PRKRIP1: variants seen among roughly 807,000 people sequenced by gnomAD.
PRKRIP1 encodes the protein PRKR interacting protein 1.
In PRKRIP1, 29 loss-of-function variants were observed where a neutral mutation model predicts 29.3. The observed-to-expected ratio is 0.99, with a 90% CI of 0.74 to 1.35. The LOEUF is 1.35. Among genes scored for constraint, PRKRIP1 ranks in the 40% most tolerant of loss-of-function variants. The pLI, the probability that PRKRIP1 is intolerant of heterozygous loss-of-function variation, is 0.00. For missense variants in PRKRIP1, 247 were observed against 236.8 expected (o/e 1.04, Z -0.28); for synonymous variants, 90 against 85.1 (o/e 1.06, Z -0.32).
intron 5 of PRKRIP1, chr7:102,423,111 C>T (rs1227735440): frequency 2.3e-6 from 1 of 443,400 alleles, no homozygotes; most frequent in African/African-American, 2.1e-5. Context: ...AAAGATCAGA[C>T]CCTATGCTCT....
chr7:102,415,680 G>A (rs1420132880), intron 5 of PRKRIP1, among the ~76,000 whole-genome samples: 1 of 152,254 alleles, frequency 6.6e-6, no homozygotes. Context: ...CAGCAGCCCT[G>A]TGAGGTTAGT....
At chr7:102,409,328 G>A (rs1458210121) in intron 5 of PRKRIP1, among the ~76,000 whole-genome samples, 4 of 152,120 alleles carry the variant, frequency 2.6e-5, no homozygotes, top group African/African-American at 7.2e-5. Context: ...GTGACTGATA[G>A]GACCTCATCT....
At chr7:102,415,492 T>C (rs1490311474) in intron 5 of PRKRIP1, among the ~76,000 whole-genome samples, 2 of 152,230 alleles carry the variant, frequency 1.3e-5, no homozygotes, top group Admixed American at 1.3e-4. Flanking sequence ...CGCGTTGGCC[T>C]CCCAAAGCGC....
At chr7:102,406,357 A>G (rs567782853) in intron 4 of PRKRIP1, among the ~76,000 whole-genome samples, 1 of 152,304 alleles carries the variant, frequency 6.6e-6, no homozygotes, top group East Asian at 1.9e-4. Flanking sequence ...CGCAGGTGTC[A>G]TGTAAAATCC....
intron 3 of PRKRIP1, among the ~76,000 whole-genome samples, chr7:102,401,794 T>C (rs1796080568): frequency 6.6e-6 from 1 of 152,140 alleles, no homozygotes; most frequent in Non-Finnish European, 1.5e-5. Context: ...TCCCAGCTAC[T>C]TGGGAGGCTG....
rs184389679 is a variant in PRKRIP1 at position 102,413,674 on chromosome 7, C to T, written c.457+6176C>T. Among the ~76,000 whole-genome samples the T allele has an allele frequency of 1.2e-3, 185 of 152,168 alleles. 1 individual carries two copies. Among genetic ancestry groups the T allele is most frequent in the African/African-American group, 4.1e-3 (169 of 41,470 alleles). ...CACTTTAATATAATTTCTTTGATTT[C>T]AGTTTTTTAATATATAAGCCTTATT... On this transcript the variant is annotated intron_variant, in intron 5 of 5. Coordinates refer to ENST00000397912, the MANE Select transcript of PRKRIP1 (RefSeq NM_024653.4).
At chr7:102,406,315 C>T (rs531002696) in intron 4 of PRKRIP1, among the ~76,000 whole-genome samples, 4 of 152,246 alleles carry the variant, frequency 2.6e-5, no homozygotes, top group South Asian at 2.1e-4. Flanking sequence ...TGCTTTGGAG[C>T]GGCTTCTTGG....
At chr7:102,407,303 T>C (rs573180045) in intron 4 of PRKRIP1, 131 bp from the exon 5 acceptor site, 1 of 612,260 alleles carries the variant, frequency 1.6e-6, no homozygotes, top group Admixed American at 3.0e-5. Flanking sequence ...TCACCTAATA[T>C]TTTTCTTATT....
intron 5 of PRKRIP1, among the ~76,000 whole-genome samples, chr7:102,422,142 A>AAAT (rs1290243356): frequency 2.4e-4 from 27 of 114,134 alleles, no homozygotes; most frequent in Middle Eastern, 9.8e-3. Flanking sequence ...TTCATACACA[A>AAAT]AATTATTATT....
chr7:102,410,201 A>G (rs1426709484), intron 5 of PRKRIP1, among the ~76,000 whole-genome samples: 7 of 152,270 alleles, frequency 4.6e-5, no homozygotes, highest in African/African-American at 1.7e-4. Context: ...GCGAGCGGTC[A>G]GGGCCTTGGC....
rs1164207331 is a variant in PRKRIP1 at position 102,409,934 on chromosome 7, T to A, written c.457+2436T>A. Among the ~76,000 whole-genome samples the A allele has an allele frequency of 3.3e-5, 5 of 152,314 alleles. No individual in the cohort carries two copies. The East Asian group carries it at 9.6e-4, about 29-fold the overall frequency. Reference sequence around the variant, plus strand: ...CATTGTCATTGTTGCTATTTGTGTGTTTAGTGACTTTCCTAACAAATTCTG... The same window carrying A: ...CATTGTCATTGTTGCTATTTGTGTGATTAGTGACTTTCCTAACAAATTCTG... On this transcript the variant is annotated intron_variant, in intron 5 of 5. Transcript: ENST00000397912.
chr7:102,421,717 A>G (rs1285927039), intron 5 of PRKRIP1, among the ~76,000 whole-genome samples: 2 of 152,010 alleles, frequency 1.3e-5, no homozygotes, highest in Admixed American at 6.6e-5. Context: ...GAATTGCTTG[A>G]ACCCAGGAGG....
intron 5 of PRKRIP1, among the ~76,000 whole-genome samples, chr7:102,408,792 A>C (rs1023771281): frequency 6.6e-6 from 1 of 151,860 alleles, no homozygotes; most frequent in Non-Finnish European, 1.5e-5. Flanking sequence ...CAGGAGAATC[A>C]CTTGAGCCCA....
In PRKRIP1 at chr7:102,425,279, G is replaced by C; in HGVS notation, c.*168G>C. 1 of 1,383,472 alleles carries C rather than the reference G, an allele frequency of 7.2e-7. No individual in the cohort carries two copies. The highest frequency in any genetic ancestry group is 9.7e-7 in the Non-Finnish European group (1 of 1,033,852). 85.7% of individuals were successfully genotyped at this position (1,383,472 alleles called of 1,614,324 possible). A position where few individuals can be genotyped will look rare whatever the true frequency, so the allele number is the denominator to read the frequency against. On this transcript the variant is annotated 3_prime_UTR_variant, in exon 6 of 6. Transcript: ENST00000397912. Reference sequence around the variant, plus strand: ...AGTCCTGTATTTGGCAGGTTTGGGAGCCTGAGGGGCCATCTCCCTGACACT... The same window carrying C: ...AGTCCTGTATTTGGCAGGTTTGGGACCCTGAGGGGCCATCTCCCTGACACT...
intron 1 of PRKRIP1, 100 bp from the exon 2 acceptor site, chr7:102,397,520 T>G: frequency 1.0e-6 from 1 of 958,506 alleles, no homozygotes; most frequent in Non-Finnish European, 1.6e-6. Context: ...CACTCCAGCC[T>G]GAGGAACAGA....
intron 2 of PRKRIP1, among the ~76,000 whole-genome samples, chr7:102,398,371 G>A (rs1052300892): frequency 2.6e-5 from 4 of 151,726 alleles, no homozygotes; most frequent in Non-Finnish European, 4.4e-5. Flanking sequence ...TGCAACCTCC[G>A]CCTTCCGGGT....
At chr7:102,408,517 C>G (rs968330163) in intron 5 of PRKRIP1, among the ~76,000 whole-genome samples, 7 of 152,144 alleles carry the variant, frequency 4.6e-5, no homozygotes, top group Admixed American at 3.3e-4. Flanking sequence ...GTGCTATCCC[C>G]CATCCCTGGG....
rs543975091 is a variant in PRKRIP1 at position 102,418,956 on chromosome 7, A to G, written c.458-6058A>G. ...AGCGATCCTCCGGCCTCAACCTCCCAAAGTGCTGGGATCACAGGCATGAGC... is the reference window on the plus strand; with the variant it reads ...AGCGATCCTCCGGCCTCAACCTCCCGAAGTGCTGGGATCACAGGCATGAGC... On this transcript the variant is annotated intron_variant, in intron 5 of 5. Transcript: ENST00000397912. Among the ~76,000 whole-genome samples, 60 of 152,096 alleles carry G rather than the reference A, an allele frequency of 3.9e-4. No individual in the cohort carries two copies. The South Asian group carries it at 0.012, about 31-fold the overall frequency.
At chr7:102,415,178 G>A (rs1796499976) in intron 5 of PRKRIP1, among the ~76,000 whole-genome samples, 2 of 152,216 alleles carry the variant, frequency 1.3e-5, no homozygotes, top group South Asian at 4.1e-4. Flanking sequence ...CTGCAAGACT[G>A]TGGAGGCAGT....
Sources: gnomAD v4.1 joint callset for allele counts (sites outside exome capture counted in the v4.1 genomes callset) on GRCh38, gnomAD v4.1.1 for gene constraint, MANE v1.5 for transcripts, NCBI Gene and HGNC (gene_info 2026-07-23, HGNC 2026-07-21) for gene names.